Variants in TOP6BL observed in about 807,000 individuals in gnomAD.
TOP6BL encodes the protein TOP6B like initiator of meiotic double strand breaks.
At chr11:66,764,332 T>C in the TOP6BL span, among the ~76,000 whole-genome samples, 1 of 151,992 alleles carries the variant, frequency 6.6e-6, no homozygotes, top group Admixed American at 6.6e-5. Context: ...GCCCTGCTCC[T>C]GTTAATGTCT....
chr11:66,787,146 C>T, the TOP6BL span, among the ~76,000 whole-genome samples: 1 of 151,840 alleles, frequency 6.6e-6, no homozygotes, highest in East Asian at 2.0e-4. Flanking sequence ...GTTGATCAGG[C>T]TGGTCTCGAA....
the TOP6BL span, among the ~76,000 whole-genome samples, chr11:66,777,386 T>C: frequency 6.6e-6 from 1 of 152,116 alleles, no homozygotes; most frequent in Non-Finnish European, 1.5e-5. Flanking sequence ...TAAAATTGTT[T>C]TGAGGATTAA....
the TOP6BL span, among the ~76,000 whole-genome samples, chr11:66,807,062 A>G: frequency 9.8e-5 from 15 of 152,340 alleles, no homozygotes; most frequent in Admixed American, 5.9e-4. Flanking sequence ...TTAGGTAGTG[A>G]TAAGTGCAGT....
chr11:66,778,985 T>G, the TOP6BL span, among the ~76,000 whole-genome samples: 1 of 152,188 alleles, frequency 6.6e-6, no homozygotes, highest in Admixed American at 6.5e-5. Context: ...ACTGGATCCC[T>G]TCCTTACACC....
At chr11:66,800,761 G>A in the TOP6BL span, 23 of 1,368,506 alleles carry the variant, frequency 1.7e-5, no homozygotes, top group Non-Finnish European at 2.1e-5. Flanking sequence ...AGCTATTATT[G>A]TCCTATTTCC....
chr11:66,751,253 G>T, the TOP6BL span, among the ~76,000 whole-genome samples: 2 of 152,134 alleles, frequency 1.3e-5, no homozygotes, highest in South Asian at 2.1e-4. Context: ...GTGCAGTGGC[G>T]CCAGGATCTC....
At chr11:66,813,107 A>G in the TOP6BL span, among the ~76,000 whole-genome samples, 1 of 152,202 alleles carries the variant, frequency 6.6e-6, no homozygotes, top group East Asian at 1.9e-4. Flanking sequence ...AATACTTCCT[A>G]GAAGATATTC....
the TOP6BL span, chr11:66,803,894 T>G: frequency 2.3e-6 from 2 of 885,132 alleles, no homozygotes; most frequent in East Asian, 2.5e-5. Context: ...GGTTGTGTGG[T>G]TGTACATATG....
the TOP6BL span, among the ~76,000 whole-genome samples, chr11:66,760,625 C>CAAAAA: frequency 5.5e-5 from 3 of 54,130 alleles, no homozygotes; most frequent in Admixed American, 2.7e-4. Context: ...CCCATCTTTA[C>CAAAAA]AAAAAAAAAA....
chr11:66,819,676 C>T, the TOP6BL span, among the ~76,000 whole-genome samples: 22 of 151,928 alleles, frequency 1.4e-4, no homozygotes, highest in African/African-American at 4.8e-4. Context: ...CCGAGGCGGG[C>T]GGATCACACT....
At chr11:66,841,428 C>T in the TOP6BL span, among the ~76,000 whole-genome samples, 2 of 152,148 alleles carry the variant, frequency 1.3e-5, no homozygotes, top group East Asian at 3.9e-4. Context: ...GAGGCCTCTC[C>T]CACATCCAGG....
the TOP6BL span, among the ~76,000 whole-genome samples, chr11:66,793,129 C>G: frequency 6.6e-6 from 1 of 151,732 alleles, no homozygotes; most frequent in Non-Finnish European, 1.5e-5. Context: ...ACTCTGTCAC[C>G]CAGGCTGGAG....
At chr11:66,843,305 A>AGCTGCCGCGCGCTCACCAAGTCC in the TOP6BL span, 3 of 1,559,230 alleles carry the variant, frequency 1.9e-6, no homozygotes, top group South Asian at 1.2e-5. Context: ...GGTTTAATAA[A>AGCTGCCGCGCGCTCACCAAGTCC]GCTGCCGCGC....
chr11:66,831,161 A>G, the TOP6BL span, among the ~76,000 whole-genome samples: 1 of 152,222 alleles, frequency 6.6e-6, no homozygotes, highest in Admixed American at 6.5e-5. Flanking sequence ...GTTTGTGGAA[A>G]TGGAAAATGG....
At chr11:66,755,795 A>G in the TOP6BL span, among the ~76,000 whole-genome samples, 11 of 152,126 alleles carry the variant, frequency 7.2e-5, no homozygotes, top group African/African-American at 2.7e-4. Context: ...ATTGCTGACA[A>G]TCCTTGGTAT....
the TOP6BL span, among the ~76,000 whole-genome samples, chr11:66,779,751 T>G: frequency 1.3e-5 from 2 of 152,104 alleles, no homozygotes; most frequent in African/African-American, 4.8e-5. Flanking sequence ...AGCAAAGACT[T>G]GGAACCAACC....
the TOP6BL span, among the ~76,000 whole-genome samples, chr11:66,831,162 T>C: frequency 1.3e-5 from 2 of 152,190 alleles, no homozygotes; most frequent in African/African-American, 4.8e-5. Flanking sequence ...TTTGTGGAAA[T>C]GGAAAATGGT....
chr11:66,785,554 C>CT, the TOP6BL span, among the ~76,000 whole-genome samples: 1 of 152,214 alleles, frequency 6.6e-6, no homozygotes, highest in Non-Finnish European at 1.5e-5. Flanking sequence ...AGGAGGCTCT[C>CT]TGAGTTGCTG....
chr11:66,824,380 G>A, the TOP6BL span, among the ~76,000 whole-genome samples: 10 of 150,194 alleles, frequency 6.7e-5, no homozygotes, highest in African/African-American at 2.4e-4. Flanking sequence ...CAAGTAGCTG[G>A]GATTACAGGC....
Sources: allele counts gnomAD v4.1 joint callset (sites outside exome capture counted in the v4.1 genomes callset), GRCh38; gene constraint gnomAD v4.1.1; transcripts MANE v1.5; gene names NCBI Gene and HGNC (gene_info 2026-07-23, HGNC 2026-07-21).